TUBGCP5: variants seen among roughly 807,000 people sequenced by gnomAD.
The protein encoded by TUBGCP5 is tubulin gamma complex component 5, also known as gamma-tubulin complex component 5.
TUBGCP5 carries 98 observed loss-of-function variants against 134.7 expected under a neutral mutation model. The ratio of observed to expected loss-of-function variants is 0.73; its 90% CI spans 0.62 to 0.86. The LOEUF is 0.86. Ranked by LOEUF, TUBGCP5 falls within the 40% of genes least tolerant of loss-of-function variation. The probability of loss-of-function intolerance (pLI) is 0.00; values close to 1 mark genes in which losing one functional copy is unlikely to be tolerated. For missense variants in TUBGCP5, 1,150 were observed against 1,244.8 expected (o/e 0.92, Z 1.15); for synonymous variants, 456 against 431.4 (o/e 1.06, Z -0.71).
intron 12 of TUBGCP5, among the ~76,000 whole-genome samples, chr15:23,018,869 T>C (rs1428941395): frequency 2.0e-5 from 3 of 152,180 alleles, no homozygotes; most frequent in African/African-American, 7.2e-5. Context: ...TCTGTATCTC[T>C]TTACTGATAA....
At chr15:23,016,497 GAAAA>G (rs34275068) in intron 13 of TUBGCP5, among the ~76,000 whole-genome samples, 1 of 102,832 alleles carries the variant, frequency 9.7e-6, no homozygotes. Context: ...TCTGTCTCAG[GAAAA>G]AAAAAAAAAA....
In TUBGCP5 at chr15:22,999,735, A is replaced by C; in HGVS notation, c.*85T>G. The C allele has an allele frequency of 3.4e-6, 5 of 1,480,026 alleles. No homozygotes were observed. Among genetic ancestry groups the C allele is most frequent in the Non-Finnish European group, 4.7e-6 (5 of 1,061,176 alleles). 91.7% of individuals were successfully genotyped at this position (1,480,026 alleles called of 1,614,324 possible). ...CAAGTTTTACAAATAAACCAAAATA[A>C]AAATATTTTCACTTTTCAGCTGCAC... On this transcript the variant is annotated 3_prime_UTR_variant, in exon 23 of 23. Coordinates refer to ENST00000615383, the MANE Select transcript of TUBGCP5 (RefSeq NM_052903.6).
At chr15:23,012,654 C>T (rs1252173418) in intron 13 of TUBGCP5, among the ~76,000 whole-genome samples, 2 of 152,336 alleles carry the variant, frequency 1.3e-5, no homozygotes, top group African/African-American at 4.8e-5. Flanking sequence ...GATCTGCCTG[C>T]CTCAGCCTCC....
At chr15:23,032,889 T>C in intron 3 of TUBGCP5, 65 bp from the exon 4 acceptor site, 1 of 1,208,398 alleles carries the variant, frequency 8.3e-7, no homozygotes, top group South Asian at 1.7e-5. Context: ...CCAGATTGAG[T>C]AAAGATAACT....
intron 23 of TUBGCP5, among the ~76,000 whole-genome samples, chr15:22,992,771 G>A (rs1165462003): frequency 6.6e-6 from 1 of 152,146 alleles, no homozygotes; most frequent in Non-Finnish European, 1.5e-5. Context: ...CTAAGTAGCA[G>A]CAGAAAGTTT....
intron 13 of TUBGCP5, among the ~76,000 whole-genome samples, chr15:23,015,837 C>A (rs2065282376): frequency 6.6e-6 from 1 of 152,162 alleles, no homozygotes. Context: ...ACTGAACCCA[C>A]ACTCCAAGAC....
chr15:23,030,601 TAAAA>T (rs10632423), intron 6 of TUBGCP5, among the ~76,000 whole-genome samples: 2 of 119,532 alleles, frequency 1.7e-5, no homozygotes, highest in Non-Finnish European at 1.8e-5. Flanking sequence ...CTTCTCCAAT[TAAAA>T]AAAAAAAAAA....
chr15:23,019,962 T>C (rs1232354722), intron 11 of TUBGCP5, among the ~76,000 whole-genome samples: 1 of 151,596 alleles, frequency 6.6e-6, no homozygotes, highest in Non-Finnish European at 1.5e-5. Context: ...CTAAATCCTA[T>C]TACTAGCAAA....
chr15:23,003,644 T>TG (rs2140417530), intron 20 of TUBGCP5, among the ~76,000 whole-genome samples: 1 of 121,990 alleles, frequency 8.2e-6, no homozygotes, highest in Non-Finnish European at 1.8e-5. Context: ...TTTTTTTTTT[T>TG]TTTTTTTTTT....
Position 23,037,088 on chromosome 15 carries a change from C to T in TUBGCP5, c.200+11G>A, listed in dbSNP as rs1400881402. On this transcript the variant is annotated intron_variant, in intron 2 of 22. Transcript: ENST00000615383. ...ATATTTCTGGATGCGTATATATACACACTGACTTACCCTTCGATTGTTTTT... is the reference window on the plus strand; with the variant it reads ...ATATTTCTGGATGCGTATATATACATACTGACTTACCCTTCGATTGTTTTT... The T allele has an allele frequency of 3.1e-6, 5 of 1,613,288 alleles. No individual in the cohort carries two copies. The highest frequency in any genetic ancestry group is 2.5e-6 in the Non-Finnish European group (3 of 1,179,630).
chr15:23,032,403 G>A (rs1003386680), intron 4 of TUBGCP5, among the ~76,000 whole-genome samples: 10 of 151,998 alleles, frequency 6.6e-5, no homozygotes, highest in Admixed American at 1.3e-4. Flanking sequence ...ATAATCTCTA[G>A]ATTACTTATA....
intron 18 of TUBGCP5, 110 bp downstream of exon 18, chr15:23,005,929 TCAACAACCACCAA>T: frequency 9.1e-7 from 1 of 1,101,248 alleles, no homozygotes; most frequent in Non-Finnish European, 1.2e-6. Flanking sequence ...TAAAAAATGA[TCAACAACCACCAA>T]CTTTTTTTTT....
At chr15:23,028,515 T>G (rs1774614793) in intron 6 of TUBGCP5, among the ~76,000 whole-genome samples, 2 of 152,050 alleles carry the variant, frequency 1.3e-5, no homozygotes, top group Middle Eastern at 3.4e-3. Context: ...GATGCATTAT[T>G]AGGATAAAAG....
chr15:23,005,419 G>C lies in TUBGCP5; in HGVS notation c.2712+13C>G. 2 of 1,612,860 alleles carry C rather than the reference G, an allele frequency of 1.2e-6. No individual in the cohort carries two copies. The highest frequency in any genetic ancestry group is 1.7e-6 in the Non-Finnish European group (2 of 1,179,174). ...ACGACGATAGAACTGAAGCAGATGG[G>C]AGAGGCACAAACCCTGGTCATGATG... On this transcript the variant is annotated intron_variant, in intron 19 of 22. Coordinates refer to ENST00000615383, the MANE Select transcript of TUBGCP5 (RefSeq NM_052903.6).
rs771477025 is a variant in TUBGCP5 at position 23,030,936 on chromosome 15, A to T, written c.571T>A (p.Leu191Ile). 6.2e-7 allele frequency: 1 copy of T among 1,613,642 alleles called. No homozygotes were observed. The highest frequency in any genetic ancestry group is 8.5e-7 in the Non-Finnish European group (1 of 1,179,878). ...DSGIQVDRTP[L>I]EEQDQNRKLD... ...TTTCTGTTTTGATCTTGTTCTTCTA[A>T]CGGTGTCCTGTCTACCTGAATTCCA... The change falls in exon 6 of 23, where the codon TTA (leucine) becomes ATA (isoleucine). Residue 191 changes from leucine to isoleucine, a missense_variant. Physicochemically the swap from Leu to Ile is conservative, Grantham distance 5. Transcript: ENST00000615383.
At chr15:23,036,470 T>G (rs553047255) in intron 3 of TUBGCP5, among the ~76,000 whole-genome samples, 1 of 152,272 alleles carries the variant, frequency 6.6e-6, no homozygotes, top group Non-Finnish European at 1.5e-5. Context: ...TAACAGCTTT[T>G]TTTTTTTAAG....
downstream of TUBGCP5, among the ~76,000 whole-genome samples, chr15:22,998,086 G>A (rs1289650717): frequency 1.3e-5 from 2 of 152,050 alleles, no homozygotes; most frequent in Non-Finnish European, 2.9e-5. Flanking sequence ...AGGCTAAGGC[G>A]GGTGGATCAC....
chr15:23,031,412 G>A (rs1202916641), intron 5 of TUBGCP5, among the ~76,000 whole-genome samples: 2 of 151,776 alleles, frequency 1.3e-5, no homozygotes, highest in Non-Finnish European at 2.9e-5. Context: ...CACCTCCTGT[G>A]TTCAAGAGAT....
Position 23,022,155 on chromosome 15 carries a change from G to A in TUBGCP5, c.1175C>T (p.Thr392Ile), listed in dbSNP as rs200590158. ...GTCCACCACTATTGCAAGAGTTATTGTAGTATCTGCAAATATCAATAAATC... is the reference window on the plus strand; with the variant it reads ...GTCCACCACTATTGCAAGAGTTATTATAGTATCTGCAAATATCAATAAATC... ...IEKCIINNDTTITLAIVVDKL... is the reference protein window; with the variant it reads ...IEKCIINNDTIITLAIVVDKL... The change falls in exon 11 of 23, where the codon ACA (threonine) becomes ATA (isoleucine). Residue 392 changes from threonine (T) to isoleucine (I), a missense_variant. Thr to Ile is a moderately conservative substitution (Grantham distance 89). This residue lies in a region of TUBGCP5 where 697 missense variants were observed against 850.1 expected (regional missense o/e 0.82). Transcript: ENST00000615383. 746 of 1,613,878 alleles carry A rather than the reference G, an allele frequency of 4.6e-4. 2 individuals are homozygous for A. The highest frequency in any genetic ancestry group is 8.3e-4 in the Admixed American group (50 of 59,998).
Sources: allele counts gnomAD v4.1 joint callset (sites outside exome capture counted in the v4.1 genomes callset), GRCh38; gene constraint gnomAD v4.1.1; regional missense constraint gnomAD v4.1.1; transcripts MANE v1.5; gene names NCBI Gene and HGNC (gene_info 2026-07-23, HGNC 2026-07-21).